SYNPR: variants seen among roughly 807,000 people sequenced by gnomAD.
SYNPR encodes the protein synaptoporin.
In SYNPR, 23 loss-of-function variants were observed where a neutral mutation model predicts 32.9. The ratio of observed to expected loss-of-function variants is 0.70; its 90% CI spans 0.50 to 0.99. SYNPR has a LOEUF of 0.99. Among genes scored for constraint, SYNPR ranks in the 50% least tolerant of loss-of-function variants. The pLI, the probability that SYNPR is intolerant of heterozygous loss-of-function variation, is 0.00. For synonymous variants in SYNPR, 146 were observed against 135.9 expected, an observed-to-expected ratio of 1.07 and a Z score of -0.52; for missense variants, 318 against 349.3, an observed-to-expected ratio of 0.91 and a Z score of 0.71.
chr3:63,494,259 A>T (rs891223631), intron 3 of SYNPR, among the ~76,000 whole-genome samples: 1 of 151,126 alleles, frequency 6.6e-6, no homozygotes, highest in African/African-American at 2.4e-5. Context: ...GAACAGTAGC[A>T]CTTTCACACC....
rs1559510409 is a variant in SYNPR at position 63,476,148 on chromosome 3, AG to A, written c.85-4681del. Among the ~76,000 whole-genome samples the A allele has an allele frequency of 5.9e-3, 131 of 22,090 alleles. 5 individuals carry two copies. Among genetic ancestry groups the A allele is most frequent in the East Asian group, 8.4e-3 (6 of 718 alleles). 14.5% of individuals were successfully genotyped at this position (22,090 alleles called of 152,430 possible). A position where few individuals can be genotyped will look rare whatever the true frequency, so the allele number is the denominator to read the frequency against. On this transcript the variant is annotated intron_variant, in intron 2 of 5. Transcript: ENST00000478300. Reference sequence around the variant, plus strand: ...AAGGAAGGAAGGAAGGAAGGAAGGAAGGGAGGGAGGGAGGGAGGGAGGGAGG... The same window carrying A: ...AAGGAAGGAAGGAAGGAAGGAAGGAAGGAGGGAGGGAGGGAGGGAGGGAGG...
chr3:63,494,423 A>ACG (rs1553641157), intron 3 of SYNPR, among the ~76,000 whole-genome samples: 2 of 139,912 alleles, frequency 1.4e-5, no homozygotes, highest in South Asian at 2.2e-4. Flanking sequence ...ATATACGTAT[A>ACG]TATATATATA....
rs1553641139 is a variant in SYNPR at position 63,494,406 on chromosome 3, T to TATACACAC, written c.209+13453_209+13454insCACACATA. Among the ~76,000 whole-genome samples, 134 of 118,676 alleles carry TATACACAC rather than the reference T, an allele frequency of 1.1e-3. 3 individuals carry two copies. The highest frequency in any genetic ancestry group is 4.3e-3 in the African/African-American group (122 of 28,468). The allele number at this position is 118,676 out of a possible 152,430, so 77.9% of individuals were successfully genotyped here. A position where few individuals can be genotyped will look rare whatever the true frequency, so the allele number is the denominator to read the frequency against. ...ATATGTTAATTCTTATATATATATA[T>TATACACAC]ATATATATATACGTATATATATATA... On this transcript the variant is annotated intron_variant, in intron 3 of 5. Coordinates refer to ENST00000478300, the MANE Select transcript of SYNPR (RefSeq NM_001130003.2).
chr3:63,238,394 G>T (rs954270983), intron 1 of SYNPR, among the ~76,000 whole-genome samples: 7 of 151,796 alleles, frequency 4.6e-5, no homozygotes, highest in African/African-American at 1.7e-4. Flanking sequence ...GAGAGAAGAG[G>T]GTCTGATTGG....
intron 1 of SYNPR, among the ~76,000 whole-genome samples, chr3:63,234,208 G>T (rs1025412549): frequency 6.6e-6 from 1 of 152,160 alleles, no homozygotes; most frequent in African/African-American, 2.4e-5. Context: ...GAGAGAGCTT[G>T]TGAATGGGAA....
intron 3 of SYNPR, among the ~76,000 whole-genome samples, chr3:63,539,529 C>G (rs534517340): frequency 6.6e-6 from 1 of 152,052 alleles, no homozygotes; most frequent in Non-Finnish European, 1.5e-5. Context: ...TCAAAACATG[C>G]CAAGCAATAC....
chr3:63,467,645 T>G lies in SYNPR; in HGVS notation c.85-13187T>G, dbSNP rs527619828. On this transcript the variant is annotated intron_variant, in intron 2 of 5. Coordinates refer to ENST00000478300, the MANE Select transcript of SYNPR (RefSeq NM_001130003.2). The stretch of plus-strand genomic sequence containing the variant: ...AAGCTCACTAAGTAGCAGCAGCAGT[T>G]GTTGTGGTTATTGTGATAAGAATTA... Among the ~76,000 whole-genome samples, 68 of 152,330 alleles carry G rather than the reference T, an allele frequency of 4.5e-4. No individual in the cohort carries two copies. In the Middle Eastern group the frequency reaches 0.01, roughly 23 times the overall value.
intron 1 of SYNPR, among the ~76,000 whole-genome samples, chr3:63,249,864 T>C (rs950692371): frequency 1.3e-5 from 2 of 152,148 alleles, no homozygotes; most frequent in African/African-American, 4.8e-5. Context: ...CTTTGGGGGA[T>C]GAATGACACA....
chr3:63,540,891 T>TACACACACACACACACACAC (rs34925541), intron 3 of SYNPR, among the ~76,000 whole-genome samples: 2 of 122,858 alleles, frequency 1.6e-5, no homozygotes, highest in African/African-American at 6.3e-5. Flanking sequence ...CTATCACTCC[T>TACACACACACACACACACAC]ACACACACAC....
At position 63,455,697 on chromosome 3, in the gene SYNPR, G is replaced by T. The variant is rs538650364; in HGVS notation, c.85-25135G>T. On this transcript the variant is annotated intron_variant, in intron 2 of 5. Transcript: ENST00000478300. ...TGGTTGAAGATTATTAGTTAAATAA[G>T]CCTAAAAAAGTCCCCAATTTCCCTC... Among the ~76,000 whole-genome samples the T allele has an allele frequency of 3.3e-5, 5 of 151,566 alleles. No individual in the cohort carries two copies. In the South Asian group the frequency reaches 1.0e-3, roughly 32 times the overall value.
At chr3:63,396,968 G>GAAATAT (rs1481824775) in intron 2 of SYNPR, among the ~76,000 whole-genome samples, 2 of 152,116 alleles carry the variant, frequency 1.3e-5, no homozygotes, top group African/African-American at 4.8e-5. Flanking sequence ...GCCAGGCGTG[G>GAAATAT]TGGCAGGCAC....
intron 2 of SYNPR, among the ~76,000 whole-genome samples, chr3:63,390,132 A>G (rs1209510524): frequency 2.6e-5 from 4 of 152,178 alleles, no homozygotes. Context: ...CAGCATTCTT[A>G]CCCTGCACAC....
chr3:63,233,180 G>T (rs1560163688), intron 1 of SYNPR, among the ~76,000 whole-genome samples: 1 of 152,188 alleles, frequency 6.6e-6, no homozygotes. Context: ...CATGCTATTT[G>T]AGAGTGGAGC....
At chr3:63,615,135 T>A in intron 5 of SYNPR, 89 bp from the exon 6 acceptor site, 2 of 1,444,356 alleles carry the variant, frequency 1.4e-6, no homozygotes, top group Non-Finnish European at 1.9e-6. Context: ...AAAAGTGATC[T>A]TTTGTATTGT....
intron 2 of SYNPR, among the ~76,000 whole-genome samples, chr3:63,454,375 A>G (rs1700439139): frequency 6.6e-6 from 1 of 152,132 alleles, no homozygotes; most frequent in Non-Finnish European, 1.5e-5. Context: ...AAAATTTTAA[A>G]TTGATTCGAA....
intron 3 of SYNPR, among the ~76,000 whole-genome samples, chr3:63,488,224 T>C (rs1163731374): frequency 6.6e-6 from 1 of 152,268 alleles, no homozygotes; most frequent in Non-Finnish European, 1.5e-5. Context: ...CAGGAAATGC[T>C]GCACTTGCAA....
chr3:63,423,289 G>C (rs551777033), intron 2 of SYNPR, among the ~76,000 whole-genome samples: 1 of 152,222 alleles, frequency 6.6e-6, no homozygotes, highest in South Asian at 2.1e-4. Context: ...GCTGGTGGTG[G>C]ATATTGAGCG....
Position 63,268,872 on chromosome 3 carries a change from T to C in SYNPR, n.287+1423T>C, listed in dbSNP as rs144312675. 9.8e-5 allele frequency among the ~76,000 whole-genome samples: 15 copies of C among 152,348 alleles called. No homozygotes were observed. In the East Asian group the frequency reaches 2.7e-3, roughly 27 times the overall value. On this transcript the variant is annotated intron_variant and non_coding_transcript_variant, in intron 3 of 4. Transcript: ENST00000478456. ...TTGGCACTGAAAGTGAATTTTCCAA[T>C]TGTACTATCTTTTGACATTTTTGCA...
chr3:63,394,295 ATTCT>A (rs980951775), intron 2 of SYNPR, among the ~76,000 whole-genome samples: 18 of 152,056 alleles, frequency 1.2e-4, no homozygotes, highest in African/African-American at 4.3e-4. Flanking sequence ...TTTTCTGCTC[ATTCT>A]TTCTTTTTAA....
Sources: gnomAD v4.1 joint callset for allele counts (sites outside exome capture counted in the v4.1 genomes callset) on GRCh38, gnomAD v4.1.1 for gene constraint, MANE v1.5 for transcripts, NCBI Gene and HGNC (gene_info 2026-07-23, HGNC 2026-07-21) for gene names.